The following ERG variants were observed in gnomAD, a reference collection of about 807,000 sequenced individuals.
ERG encodes ETS transcription factor ERG.
Under a neutral mutation model 55.3 loss-of-function variants are expected in ERG, and 9 were observed. That is an observed-to-expected ratio of 0.16 (90% CI 0.10 to 0.28). The LOEUF (loss-of-function observed/expected upper bound fraction) is 0.28. Ranked by LOEUF, ERG falls within the 10% of genes least tolerant of loss-of-function variation. ERG has a pLI of 1.00. For missense variants in ERG, 434 were observed against 631.6 expected (o/e 0.69, Z 3.35); for synonymous variants, 223 against 237.3 (o/e 0.94, Z 0.55).
chr21:38,476,232 C>A (rs1212863600), intron 1 of ERG, among the ~76,000 whole-genome samples: 1 of 152,044 alleles, frequency 6.6e-6, no homozygotes, highest in African/African-American at 2.4e-5. Flanking sequence ...AAAAAAAAAT[C>A]TTCAAAAGCA....
chr21:38,438,073 C>T (rs1440443175), intron 2 of ERG, among the ~76,000 whole-genome samples: 2 of 152,174 alleles, frequency 1.3e-5, no homozygotes, highest in Non-Finnish European at 2.9e-5. Flanking sequence ...TTGTTGTCCT[C>T]GAACACCTCA....
At chr21:38,377,102 A>G (rs1402779026), downstream of ERG, among the ~76,000 whole-genome samples, 1 of 152,248 alleles carries the variant, frequency 6.6e-6, no homozygotes, top group Non-Finnish European at 1.5e-5. Flanking sequence ...GTGATTTATA[A>G]CATAGTTTAA....
At position 38,391,045 on chromosome 21, in the gene ERG, A is replaced by T; in HGVS notation, c.872-3T>A. 6.2e-7 allele frequency: 1 copy of T among 1,612,764 alleles called. No homozygotes were observed. ...TGGTCCAAGAATCTGATAAGGATCT[A>T]CAGCAAAAAGAAACAAAGTCAAATC... is the stretch of plus-strand genomic sequence containing the variant. On this transcript the variant is annotated splice_region_variant and splice_polypyrimidine_tract_variant and intron_variant, in intron 8 of 9. Coordinates refer to ENST00000288319, the MANE Select transcript of ERG (RefSeq NM_182918.4).
intron 1 of ERG, among the ~76,000 whole-genome samples, chr21:38,457,601 T>C (rs2059002579): frequency 6.6e-6 from 1 of 152,168 alleles, no homozygotes; most frequent in Non-Finnish European, 1.5e-5. Context: ...CTTTACTTAT[T>C]AAGATTCATC....
chr21:38,466,597 G>A (rs561386966), intron 1 of ERG, among the ~76,000 whole-genome samples: 1 of 152,102 alleles, frequency 6.6e-6, no homozygotes, highest in East Asian at 1.9e-4. Flanking sequence ...AAAATAAAAG[G>A]AATTTAAAGA....
chr21:38,466,267 C>T (rs533498077), intron 1 of ERG, among the ~76,000 whole-genome samples: 6 of 148,424 alleles, frequency 4.0e-5, no homozygotes, highest in South Asian at 2.1e-4. Context: ...ATGGTCCATA[C>T]ATTAAAACAG....
intron 1 of ERG, among the ~76,000 whole-genome samples, chr21:38,630,589 T>C (rs1339912952): frequency 6.6e-6 from 1 of 152,214 alleles, no homozygotes; most frequent in African/African-American, 2.4e-5. Context: ...TGCACATGGC[T>C]TCAAGGGAAG....
chr21:38,566,359 C>T (rs2059922978), intron 2 of ERG, among the ~76,000 whole-genome samples: 1 of 152,186 alleles, frequency 6.6e-6, no homozygotes, highest in South Asian at 2.1e-4. Context: ...ACAGTGGCCC[C>T]ACACTGAGTC....
chr21:38,658,174 G>C (rs549494073), intron 1 of ERG, among the ~76,000 whole-genome samples: 1 of 152,176 alleles, frequency 6.6e-6, no homozygotes, highest in South Asian at 2.1e-4. Flanking sequence ...CTGCTCAGAC[G>C]CAAGGGGTAA....
intron 2 of ERG, among the ~76,000 whole-genome samples, chr21:38,441,318 T>C (rs1010406392): frequency 4.6e-5 from 7 of 152,260 alleles, no homozygotes; most frequent in African/African-American, 1.7e-4. Context: ...AGCTAGTCAG[T>C]TGAACTTGAC....
At chr21:38,450,746 G>A (rs2058934057) in intron 1 of ERG, 6 of 359,684 alleles carry the variant, frequency 1.7e-5, no homozygotes, top group Admixed American at 4.0e-5. Context: ...TATCAGCTCT[G>A]AAATATGAAA....
intron 1 of ERG, among the ~76,000 whole-genome samples, chr21:38,612,093 G>A (rs1217767776): frequency 6.6e-6 from 1 of 152,170 alleles, no homozygotes; most frequent in Non-Finnish European, 1.5e-5. Context: ...TCCCAAGACT[G>A]CAGCAAATGT....
chr21:38,536,762 C>A (rs117633854), intron 2 of ERG, among the ~76,000 whole-genome samples: 1 of 152,190 alleles, frequency 6.6e-6, no homozygotes, highest in Non-Finnish European at 1.5e-5. Context: ...CTTTAAAATG[C>A]TAAATTGATT....
chr21:38,483,857 ACT>A (rs1382492265), intron 1 of ERG, among the ~76,000 whole-genome samples: 2 of 152,034 alleles, frequency 1.3e-5, no homozygotes, highest in Non-Finnish European at 2.9e-5. Context: ...ACAGAGTGAG[ACT>A]CTGTCTCAAA....
chr21:38,619,340 C>T (rs1411660786), intron 1 of ERG, among the ~76,000 whole-genome samples: 1 of 152,100 alleles, frequency 6.6e-6, no homozygotes, highest in East Asian at 1.9e-4. Flanking sequence ...TCATCCTCCT[C>T]CTCTCTATTC....
At chr21:38,503,595 G>C (rs1035720336) in intron 2 of ERG, among the ~76,000 whole-genome samples, 1 of 152,108 alleles carries the variant, frequency 6.6e-6, no homozygotes, top group African/African-American at 2.4e-5. Context: ...TAAAACTTCA[G>C]AGCCTGGGAG....
intron 6 of ERG, among the ~76,000 whole-genome samples, chr21:38,398,115 C>T (rs1988316837): frequency 6.6e-6 from 1 of 152,174 alleles, no homozygotes; most frequent in African/African-American, 2.4e-5. Flanking sequence ...TACCCACTGA[C>T]CACAGGGATA....
At chr21:38,500,221 C>G (rs1478266760), upstream of ERG, among the ~76,000 whole-genome samples, 1 of 152,204 alleles carries the variant, frequency 6.6e-6, no homozygotes, top group Non-Finnish European at 1.5e-5. Flanking sequence ...CTGATTATGC[C>G]TTTACCAAAC....
intron 3 of ERG, among the ~76,000 whole-genome samples, chr21:38,411,995 CTTTCTA>C (rs1305326372): frequency 3.3e-5 from 5 of 152,116 alleles, no homozygotes; most frequent in Admixed American, 3.3e-4. Context: ...ATTTAGTCTG[CTTTCTA>C]TTTCTATTTT....
Sources: allele counts gnomAD v4.1 joint callset (sites outside exome capture counted in the v4.1 genomes callset), GRCh38; gene constraint gnomAD v4.1.1; transcripts MANE v1.5; gene names NCBI Gene and HGNC (gene_info 2026-07-23, HGNC 2026-07-21).